Variants in PHF14 observed in about 807,000 individuals in gnomAD.
The protein encoded by PHF14 is PHD finger protein 14.
In PHF14, 55 loss-of-function variants were observed where a neutral mutation model predicts 117.9. That is an observed-to-expected ratio of 0.47 (90% CI 0.38 to 0.58). The LOEUF is 0.58. PHF14 is among the 20% of genes least tolerant of loss of function. The pLI, the probability that PHF14 is intolerant of heterozygous loss-of-function variation, is 0.00. For synonymous variants in PHF14, 409 were observed against 368.6 expected (o/e 1.11, Z -1.26); for missense variants, 978 against 1,122.2 (o/e 0.87, Z 1.84).
At chr7:11,079,618 A>G (rs1464750743) in intron 16 of PHF14, among the ~76,000 whole-genome samples, 2 of 152,172 alleles carry the variant, frequency 1.3e-5, no homozygotes, top group Admixed American at 6.5e-5. Flanking sequence ...AAGAAACCAA[A>G]GTTAGGATAG....
At chr7:10,995,152 T>G (rs142350181) in intron 4 of PHF14, among the ~76,000 whole-genome samples, 2,981 of 152,256 alleles carry the variant, frequency 0.02, 40 homozygotes, top group Middle Eastern at 0.044. Flanking sequence ...TTACAAACCT[T>G]GAGCTAGACA....
At chr7:11,162,511 T>C (rs1040558552) in intron 17 of PHF14, among the ~76,000 whole-genome samples, 3 of 152,126 alleles carry the variant, frequency 2.0e-5, no homozygotes, top group African/African-American at 4.8e-5. Context: ...CTCATACTTA[T>C]CATCCATCAT....
chr7:11,064,764 A>G, intron 16 of PHF14, among the ~76,000 whole-genome samples: 1 of 151,854 alleles, frequency 6.6e-6, no homozygotes, highest in East Asian at 1.9e-4. Context: ...TTCAACTGTT[A>G]TTTTCTGCTT....
intron 17 of PHF14, among the ~76,000 whole-genome samples, chr7:11,160,652 G>A (rs1788995704): frequency 6.6e-6 from 1 of 152,056 alleles, no homozygotes; most frequent in African/African-American, 2.4e-5. Context: ...TTTTTGATTT[G>A]CATTTCGCTG....
rs867523021 is a variant in PHF14 at position 11,002,363 on chromosome 7, A to G, written c.1046-11384A>G. 3.3e-5 allele frequency among the ~76,000 whole-genome samples: 5 copies of G among 152,140 alleles called. No homozygotes were observed. In the South Asian group the frequency reaches 1.0e-3, roughly 32 times the overall value. On this transcript the variant is annotated intron_variant, in intron 4 of 17. Transcript: ENST00000634607. ...AAGGGGGGAGCCAGAGCAATGTAGA[A>G]TGAAGTATGGTTCCTGGTATAAGGC...
In PHF14 at chr7:11,128,920, C is replaced by T. The variant is rs114191284; in HGVS notation, c.2772+17453C>T. ...AGGCCTAGATTCAATTTCTTTTGCA[C>T]TTTTTTTGCTAGGCTGTTCATTTGA... On this transcript the variant is annotated intron_variant, in intron 17 of 17. Transcript: ENST00000634607. Among the ~76,000 whole-genome samples, 316 of 151,978 alleles carry T rather than the reference C, an allele frequency of 2.1e-3. 1 individual carries two copies. The highest frequency in any genetic ancestry group is 7.5e-3 in the African/African-American group (309 of 41,458).
intron 17 of PHF14, among the ~76,000 whole-genome samples, chr7:11,148,692 C>A (rs1429130007): frequency 1.3e-5 from 2 of 152,138 alleles, no homozygotes; most frequent in African/African-American, 4.8e-5. Flanking sequence ...CAGAACCTGA[C>A]ACATAATAGA....
At chr7:11,101,468 GA>G (rs917981640) in intron 16 of PHF14, among the ~76,000 whole-genome samples, 7 of 151,834 alleles carry the variant, frequency 4.6e-5, no homozygotes, top group African/African-American at 1.7e-4. Context: ...CTGAAGCACT[GA>G]AAAAAGTTAG....
chr7:11,163,787 T>A (rs1789119837), intron 17 of PHF14, among the ~76,000 whole-genome samples: 2 of 152,194 alleles, frequency 1.3e-5, no homozygotes, highest in African/African-American at 4.8e-5. Flanking sequence ...AAAAACACAG[T>A]TTTAAATGCT....
chr7:11,141,766 C>G (rs1328226758), intron 17 of PHF14, among the ~76,000 whole-genome samples: 2 of 151,954 alleles, frequency 1.3e-5, no homozygotes, highest in African/African-American at 4.8e-5. Flanking sequence ...CTTTTTAAAG[C>G]TAGTCTGAAC....
chr7:10,977,354 G>A (rs1781902759), intron 2 of PHF14, among the ~76,000 whole-genome samples: 2 of 152,088 alleles, frequency 1.3e-5, no homozygotes, highest in African/African-American at 4.8e-5. Flanking sequence ...GGTTAGATTC[G>A]TTGGCCTTAA....
rs754875677 is a variant in PHF14, at chr7:11,169,528, A to G, written c.*38A>G. On this transcript the variant is annotated 3_prime_UTR_variant, in exon 18 of 18. Transcript: ENST00000634607. ...AGTGTTTTTGAAAAGTTTGCAGCTT[A>G]TGTAATAGCAGATAAAATTTCTAAT... is the stretch of plus-strand genomic sequence containing the variant. 8.4e-6 allele frequency: 7 copies of G among 834,302 alleles called. No individual in the cohort carries two copies. Among genetic ancestry groups the G allele is most frequent in the Non-Finnish European group, 1.3e-5 (7 of 550,724 alleles). 51.7% of individuals were successfully genotyped at this position (834,302 alleles called of 1,614,324 possible).
intron 17 of PHF14, among the ~76,000 whole-genome samples, chr7:11,158,256 C>G (rs1445840792): frequency 6.6e-6 from 1 of 151,976 alleles, no homozygotes; most frequent in African/African-American, 2.4e-5. Flanking sequence ...TTTTCCTTGC[C>G]TTTCATGATC....
In PHF14 at chr7:11,013,849, C is replaced by T; in HGVS notation, c.1148C>T (p.Pro383Leu). ...FCDACKCGVS[P>L]SCELCPNQDG... ...GATGCCTGTAAATGTGGTGTTTCTC[C>T]TAGCTGTGAACTGTGTCCTAATCAG... Residue 383 changes from proline to leucine, a missense_variant, in exon 5 of 18, where the codon CCT becomes CTT. Transcript: ENST00000634607. 1 of 1,611,374 alleles carries T rather than the reference C, an allele frequency of 6.2e-7. No individual in the cohort carries two copies. Among genetic ancestry groups the T allele is most frequent in the Non-Finnish European group, 8.5e-7 (1 of 1,177,854 alleles).
At chr7:11,047,291 A>G (rs1355650937) in intron 13 of PHF14, among the ~76,000 whole-genome samples, 2 of 151,924 alleles carry the variant, frequency 1.3e-5, no homozygotes, top group East Asian at 3.9e-4. Flanking sequence ...AATGGTCTCG[A>G]TCTCCTGACC....
At chr7:11,039,137 A>T (rs1308725984) in intron 11 of PHF14, among the ~76,000 whole-genome samples, 1 of 152,094 alleles carries the variant, frequency 6.6e-6, no homozygotes, top group Non-Finnish European at 1.5e-5. Context: ...GAAGCTTAAG[A>T]CTTGAAGCAT....
chr7:11,103,533 C>T (rs1479161280), intron 16 of PHF14: 1 of 985,026 alleles, frequency 1.0e-6, no homozygotes, highest in Non-Finnish European at 1.2e-6. Flanking sequence ...TTGAATATTT[C>T]ATCACTCAAT....
intron 5 of PHF14, 26 bp from the exon 6 acceptor site, chr7:11,022,842 A>G (rs1783782108): frequency 1.5e-6 from 2 of 1,323,312 alleles, no homozygotes; most frequent in Admixed American, 2.2e-5. Flanking sequence ...AAGATTTGAT[A>G]GCAAAATCAT....
rs575947466 is a variant in PHF14, at chr7:11,004,526, C to T, written c.1046-9221C>T. ...CATGAGTTGCACTTGTGTTATATCT[C>T]TTTAGTCTCCATTAATCTAGAACAA... On this transcript the variant is annotated intron_variant, in intron 4 of 17. Coordinates refer to ENST00000634607, the MANE Select transcript of PHF14 (RefSeq NM_001007157.2). Among the ~76,000 whole-genome samples the T allele has an allele frequency of 3.7e-4, 57 of 152,064 alleles. 1 individual carries two copies. Among genetic ancestry groups the T allele is most frequent in the South Asian group, 2.7e-3 (13 of 4,824 alleles).
Sources: allele counts gnomAD v4.1 joint callset (sites outside exome capture counted in the v4.1 genomes callset), GRCh38; gene constraint gnomAD v4.1.1; transcripts MANE v1.5; gene names NCBI Gene and HGNC (gene_info 2026-07-23, HGNC 2026-07-21).